Variants in CAST observed in about 807,000 individuals in gnomAD.
CAST encodes calpastatin.
In CAST, 76 loss-of-function variants were observed where a neutral mutation model predicts 119.6. That is an observed-to-expected ratio of 0.64 (90% CI 0.53 to 0.77). The LOEUF (loss-of-function observed/expected upper bound fraction) is 0.77. CAST is among the 30% of genes least tolerant of loss of function. The pLI, the probability that CAST is intolerant of heterozygous loss-of-function variation, is 0.00. For synonymous variants in CAST, 319 were observed against 331.6 expected, an observed-to-expected ratio of 0.96 and a Z score of 0.41; for missense variants, 953 against 946.5, an observed-to-expected ratio of 1.01 and a Z score of -0.09.
At chr5:96,166,214 G>C in the CAST span, among the ~76,000 whole-genome samples, 109 of 152,296 alleles carry the variant, frequency 7.2e-4, 1 homozygote, top group African/African-American at 2.5e-3. Flanking sequence ...AGTAAATGTA[G>C]TAAAATAATT....
chr5:96,173,824 T>C, the CAST span, among the ~76,000 whole-genome samples: 2 of 151,774 alleles, frequency 1.3e-5, no homozygotes, highest in African/African-American at 4.8e-5. Flanking sequence ...CACTGCAAGC[T>C]CCGCCTCACG....
At chr5:96,551,304 A>C (rs532263388) in intron 1 of CAST, among the ~76,000 whole-genome samples, 9 of 152,338 alleles carry the variant, frequency 5.9e-5, no homozygotes, top group Non-Finnish European at 1.0e-4. Context: ...AGAATTTCAT[A>C]TCCAGCCAAA....
chr5:96,583,636 C>T (rs1179235461), intron 1 of CAST, among the ~76,000 whole-genome samples: 1 of 152,136 alleles, frequency 6.6e-6, no homozygotes, highest in Admixed American at 6.5e-5. Flanking sequence ...ATAAGCATTC[C>T]ACAAATGTTA....
chr5:96,409,220 C>T, the CAST span, among the ~76,000 whole-genome samples: 43 of 152,300 alleles, frequency 2.8e-4, 1 homozygote, highest in East Asian at 6.6e-3. Flanking sequence ...GGATTACTAA[C>T]AAGACACCCA....
intron 1 of CAST, among the ~76,000 whole-genome samples, chr5:96,645,379 C>A (rs1346931898): frequency 6.6e-6 from 1 of 152,188 alleles, no homozygotes; most frequent in African/African-American, 2.4e-5. Flanking sequence ...GGTTTTTCCA[C>A]TTCAATGTTA....
At chr5:96,012,369 G>T in the CAST span, among the ~76,000 whole-genome samples, 1 of 151,870 alleles carries the variant, frequency 6.6e-6, no homozygotes, top group Non-Finnish European at 1.5e-5. Flanking sequence ...ATGCTTTAGG[G>T]GTTACAGCTC....
At chr5:96,409,393 G>A in the CAST span, among the ~76,000 whole-genome samples, 1 of 152,320 alleles carries the variant, frequency 6.6e-6, no homozygotes, top group East Asian at 1.9e-4. Flanking sequence ...CGGAAGCAAG[G>A]TTGCCCTTTT....
the CAST span, among the ~76,000 whole-genome samples, chr5:96,221,629 A>G: frequency 6.6e-6 from 1 of 152,180 alleles, no homozygotes; most frequent in African/African-American, 2.4e-5. Context: ...AAATGGGAAA[A>G]CAGTCCACAC....
intron 3 of CAST, 169 bp downstream of exon 3, chr5:96,696,076 G>C: frequency 2.5e-6 from 1 of 402,404 alleles, no homozygotes; most frequent in East Asian, 3.7e-5. Context: ...ATAATGATGT[G>C]AATGATTTAA....
At chr5:95,978,910 T>G in the CAST span, among the ~76,000 whole-genome samples, 1 of 152,212 alleles carries the variant, frequency 6.6e-6, no homozygotes, top group African/African-American at 2.4e-5. Flanking sequence ...ACTCTTGGGT[T>G]ATCAGGTGGC....
chr5:96,022,926 T>C, the CAST span, among the ~76,000 whole-genome samples: 1 of 152,204 alleles, frequency 6.6e-6, no homozygotes, highest in Non-Finnish European at 1.5e-5. Flanking sequence ...TTGTTTAAAG[T>C]CAACTGATTG....
upstream of CAST, among the ~76,000 whole-genome samples, chr5:96,657,710 T>C (rs1470358512): frequency 6.6e-6 from 1 of 152,112 alleles, no homozygotes; most frequent in African/African-American, 2.4e-5. Context: ...TAAGATGGTG[T>C]TTGTGAGTGG....
chr5:96,274,237 G>A, the CAST span, among the ~76,000 whole-genome samples: 1 of 151,916 alleles, frequency 6.6e-6, no homozygotes, highest in Non-Finnish European at 1.5e-5. Flanking sequence ...GAGTAGCTGG[G>A]ACTACAGGCG....
chr5:96,676,717 T>TAA lies in CAST; in HGVS notation c.138+1126_138+1127dup, dbSNP rs200320685. ...AAATTAATAAAAGATAAATTTCCAT[T>TAA]AAAAAAAAAAACCACAAATTTTTCT... On this transcript the variant is annotated intron_variant, in intron 2 of 31. Coordinates refer to ENST00000675179, the MANE Select transcript of CAST (RefSeq NM_001750.7). Among the ~76,000 whole-genome samples the TAA allele has an allele frequency of 3.4e-5, 5 of 146,058 alleles. No individual in the cohort carries two copies. In the South Asian group the frequency reaches 8.7e-4, roughly 25 times the overall value.
upstream of CAST, among the ~76,000 whole-genome samples, chr5:96,523,353 A>G (rs2150175598): frequency 6.6e-6 from 1 of 152,246 alleles, no homozygotes; most frequent in East Asian, 1.9e-4. Context: ...ATATCTTAAG[A>G]AACATGAGTT....
At chr5:96,025,512 G>T in the CAST span, among the ~76,000 whole-genome samples, 2 of 152,278 alleles carry the variant, frequency 1.3e-5, no homozygotes, top group Admixed American at 1.3e-4. Context: ...TTCCATGAAT[G>T]AATTAATTAC....
chr5:96,745,203 C>T (rs892508910), intron 16 of CAST, among the ~76,000 whole-genome samples: 10 of 152,200 alleles, frequency 6.6e-5, no homozygotes, highest in Admixed American at 3.3e-4. Context: ...CGAAATAGAG[C>T]GTGACTGGAA....
At chr5:96,623,425 G>T (rs1580850468) in intron 1 of CAST, among the ~76,000 whole-genome samples, 1 of 152,248 alleles carries the variant, frequency 6.6e-6, no homozygotes, top group East Asian at 1.9e-4. Context: ...CCCAGTTTGA[G>T]CCCGGACACT....
the CAST span, among the ~76,000 whole-genome samples, chr5:96,091,312 C>T: frequency 6.6e-6 from 1 of 151,606 alleles, no homozygotes; most frequent in Non-Finnish European, 1.5e-5. Flanking sequence ...AAGCGATTCT[C>T]CTGCCTCAGC....
Sources: allele counts gnomAD v4.1 joint callset (sites outside exome capture counted in the v4.1 genomes callset), GRCh38; gene constraint gnomAD v4.1.1; transcripts MANE v1.5; gene names NCBI Gene and HGNC (gene_info 2026-07-23, HGNC 2026-07-21).